The following CIAPIN1 variants were observed in gnomAD, a reference collection of about 807,000 sequenced individuals.
CIAPIN1 encodes the protein anamorsin.
In CIAPIN1, 18 loss-of-function variants were observed where a neutral mutation model predicts 34.3. The observed-to-expected ratio is 0.52, with a 90% CI of 0.36 to 0.78. The LOEUF (loss-of-function observed/expected upper bound fraction) is 0.78, where lower values mean the gene tolerates loss of function less well. Ranked by LOEUF, CIAPIN1 falls within the 30% of genes least tolerant of loss-of-function variation. The pLI, the probability that CIAPIN1 is intolerant of heterozygous loss-of-function variation, is 0.00. For synonymous variants in CIAPIN1, 131 were observed against 140.4 expected (o/e 0.93, Z 0.47); for missense variants, 310 against 372.5 (o/e 0.83, Z 1.38).
chr16:57,438,886 C>T (rs1903262805), intron 3 of CIAPIN1, among the ~76,000 whole-genome samples: 2 of 152,212 alleles, frequency 1.3e-5, no homozygotes, highest in African/African-American at 4.8e-5. Context: ...TTAGCTAGTT[C>T]ATTTTTATTG....
At chr16:57,429,522 C>T (rs1427229007) in intron 8 of CIAPIN1, among the ~76,000 whole-genome samples, 4 of 151,946 alleles carry the variant, frequency 2.6e-5, no homozygotes, top group Admixed American at 2.0e-4. Context: ...GATGGAGTCT[C>T]CCTCTGTCAC....
intron 4 of CIAPIN1, 79 bp downstream of exon 4, chr16:57,436,577 G>T: frequency 9.1e-7 from 1 of 1,102,588 alleles, no homozygotes; most frequent in Non-Finnish European, 1.4e-6. Flanking sequence ...TACATGCACA[G>T]CATTTCTTGT....
chr16:57,435,270 G>T (rs1453186995), intron 4 of CIAPIN1, among the ~76,000 whole-genome samples: 1 of 152,134 alleles, frequency 6.6e-6, no homozygotes, highest in Non-Finnish European at 1.5e-5. Context: ...ACGAGTAAAA[G>T]TTCATTGAGG....
At chr16:57,444,296 C>A (rs1468790290) in intron 1 of CIAPIN1, among the ~76,000 whole-genome samples, 3 of 152,144 alleles carry the variant, frequency 2.0e-5, no homozygotes, top group Admixed American at 6.5e-5. Flanking sequence ...TGCGAGGCTG[C>A]TGTAAGAAGC....
Position 57,429,229 on chromosome 16 carries a change from G to C in CIAPIN1, c.880C>G (p.Pro294Ala). ...ACCTTTTCCCCAGGTTTGAAGGCTGGCATCCCAAGGTAGGGGCAGCTGGCA... is the reference window on the plus strand; with the variant it reads ...ACCTTTTCCCCAGGTTTGAAGGCTGCCATCCCAAGGTAGGGGCAGCTGGCA... ...RCASCPYLGMPAFKPGEKVLL... is the reference protein window; with the variant it reads ...RCASCPYLGMAAFKPGEKVLL... The change falls in exon 9 of 9, where the codon CCA (proline) becomes GCA (alanine). Residue 294 changes from proline (P) to alanine (A), a missense_variant. Coordinates refer to ENST00000394391, the MANE Select transcript of CIAPIN1 (RefSeq NM_020313.4). 1 of 1,613,886 alleles carries C rather than the reference G, an allele frequency of 6.2e-7. No individual in the cohort carries two copies. The highest frequency in any genetic ancestry group is 8.5e-7 in the Non-Finnish European group (1 of 1,180,000).
At chr16:57,438,288 C>G (rs1903247950) in intron 3 of CIAPIN1, among the ~76,000 whole-genome samples, 1 of 152,116 alleles carries the variant, frequency 6.6e-6, no homozygotes, top group Non-Finnish European at 1.5e-5. Flanking sequence ...TACCACCGAT[C>G]AAAAAAGTTT....
At chr16:57,439,453 C>A in intron 2 of CIAPIN1, 119 bp from the exon 3 acceptor site, 3 of 961,088 alleles carry the variant, frequency 3.1e-6, no homozygotes, top group South Asian at 1.6e-5. Flanking sequence ...CACTCGATAT[C>A]CATCCAAGAA....
chr16:57,442,783 T>C (rs1598029692), intron 1 of CIAPIN1, among the ~76,000 whole-genome samples: 2 of 152,350 alleles, frequency 1.3e-5, no homozygotes, highest in East Asian at 3.9e-4. Flanking sequence ...GCACTTTGAT[T>C]TGTCACTCTT....
At chr16:57,431,316 G>GAAAAGCTA (rs1248379750) in intron 6 of CIAPIN1, 50 bp from the exon 7 acceptor site, 1 of 1,311,372 alleles carries the variant, frequency 7.6e-7, no homozygotes, top group South Asian at 1.2e-5. Flanking sequence ...CTCTGCTAAT[G>GAAAAGCTA]AAAAGCTAAA....
chr16:57,436,570 A>G, intron 4 of CIAPIN1, 86 bp downstream of exon 4: 1 of 1,042,368 alleles, frequency 9.6e-7, no homozygotes. Flanking sequence ...TGTATCTTAC[A>G]TGCACAGCAT....
chr16:57,440,732 C>T, intron 2 of CIAPIN1, 40 bp downstream of exon 2: 2 of 1,558,150 alleles, frequency 1.3e-6, no homozygotes, highest in African/African-American at 1.4e-5. Flanking sequence ...CCCATGGAAA[C>T]CCCTCCAGCC....
rs773845358 is a variant in CIAPIN1 at position 57,431,286 on chromosome 16, A to G, written c.631-20T>C. The stretch of plus-strand genomic sequence containing the variant: ...GAGATCCTGGAGAGTGTTCAAAGCA[A>G]TGAGTGATACAGTCGTGGTCTCTGC... On this transcript the variant is annotated intron_variant, in intron 6 of 8. Coordinates refer to ENST00000394391, the MANE Select transcript of CIAPIN1 (RefSeq NM_020313.4). The G allele has an allele frequency of 1.4e-5, 21 of 1,526,944 alleles. No homozygotes were observed. Among genetic ancestry groups the G allele is most frequent in the Non-Finnish European group, 1.9e-5 (21 of 1,101,586 alleles). 94.6% of individuals were successfully genotyped at this position (1,526,944 alleles called of 1,614,324 possible).
Position 57,429,037 on chromosome 16 carries a change from G to C in CIAPIN1, c.*133C>G, listed in dbSNP as rs1598019709. ...TGTGCCCCCCAGCCAGCTTCACTCTGTCTGCTAAGCACCCACTCTGCAAAC... is the reference window on the plus strand; with the variant it reads ...TGTGCCCCCCAGCCAGCTTCACTCTCTCTGCTAAGCACCCACTCTGCAAAC... On this transcript the variant is annotated 3_prime_UTR_variant, in exon 9 of 9. Transcript: ENST00000394391. The C allele has an allele frequency of 1.1e-5, 7 of 660,148 alleles. No homozygotes were observed. The East Asian group carries it at 1.6e-4, about 15-fold the overall frequency. 40.9% of individuals were successfully genotyped at this position (660,148 alleles called of 1,614,324 possible).
Position 57,446,461 on chromosome 16 carries a change from C to T in CIAPIN1, c.-56+881G>A, listed in dbSNP as rs145836278. Among the ~76,000 whole-genome samples the T allele has an allele frequency of 1.9e-4, 29 of 152,316 alleles. No homozygotes were observed. The East Asian group carries it at 5.6e-3, about 29-fold the overall frequency. On this transcript the variant is annotated intron_variant, in intron 1 of 8. Transcript: ENST00000394391. The stretch of plus-strand genomic sequence containing the variant: ...AGGGGTGTGCAAAGCACAACTTTAA[C>T]AGACACAATGATGGGGTCTGACTGC...
At chr16:57,447,080 G>C (rs1215096292) in intron 1 of CIAPIN1, among the ~76,000 whole-genome samples, 1 of 152,232 alleles carries the variant, frequency 6.6e-6, no homozygotes, top group African/African-American at 2.4e-5. Context: ...CCTCAGAGTA[G>C]GGCCGGCTGC....
intron 6 of CIAPIN1, 29 bp downstream of exon 6, chr16:57,432,458 G>C: frequency 6.2e-7 from 1 of 1,607,496 alleles, no homozygotes; most frequent in Non-Finnish European, 8.5e-7. Context: ...CTGAAAGAAA[G>C]CAATCAAGTG....
At chr16:57,440,701 G>A in intron 2 of CIAPIN1, 71 bp downstream of exon 2, 2 of 1,485,254 alleles carry the variant, frequency 1.3e-6, no homozygotes, top group East Asian at 4.7e-5. Flanking sequence ...AGATATCAAG[G>A]AACCACAGAA....
chr16:57,431,439 C>T (rs150171178), intron 6 of CIAPIN1, 173 bp from the exon 7 acceptor site: 26 of 498,934 alleles, frequency 5.2e-5, no homozygotes, highest in African/African-American at 3.6e-4. Context: ...AAGAGGCCAA[C>T]GGTGAGTTAA....
At position 57,439,296 on chromosome 16, in the gene CIAPIN1, C is replaced by T. The variant is rs1754322733; in HGVS notation, c.196G>A (p.Gly66Ser). Residue 66 changes from glycine (G) to serine (S), a missense_variant, in exon 3 of 9, where the codon GGT becomes AGT. Gly to Ser is a moderately conservative substitution (Grantham distance 56). Coordinates refer to ENST00000394391, the MANE Select transcript of CIAPIN1 (RefSeq NM_020313.4). ...AGAGTGGTGCTTCCTGGGACTAAAC[C>T]TGACAAAATAATGTCAAAGCTGGAT... The part of the protein sequence containing the change: ...KESSFDIILS[G>S]LVPGSTTLHS... 6.2e-7 allele frequency: 1 copy of T among 1,614,144 alleles called. No individual in the cohort carries two copies. The highest frequency in any genetic ancestry group is 8.5e-7 in the Non-Finnish European group (1 of 1,180,032).
Sources: allele counts gnomAD v4.1 joint callset (sites outside exome capture counted in the v4.1 genomes callset), GRCh38; gene constraint gnomAD v4.1.1; transcripts MANE v1.5; gene names NCBI Gene and HGNC (gene_info 2026-07-23, HGNC 2026-07-21).